The following UMAD1 variants were observed in gnomAD, a reference collection of about 807,000 sequenced individuals.
The protein encoded by UMAD1 is UBAP1-MVB12-associated (UMA)-domain containing protein 1.
A neutral mutation model predicts 6.1 loss-of-function variants in UMAD1; 8 were observed. The observed-to-expected ratio is 1.30, with a 90% confidence interval of 0.76 to 2.35. The LOEUF (loss-of-function observed/expected upper bound fraction) is 2.35. UMAD1 is among the 30% of genes most tolerant of loss of function. The pLI, the probability that UMAD1 is intolerant of heterozygous loss-of-function variation, is 0.00. For missense variants in UMAD1, 130 were observed against 78.4 expected, an observed-to-expected ratio of 1.66 and a Z score of -2.49; for synonymous variants, 56 against 31.4, an observed-to-expected ratio of 1.78 and a Z score of -2.61.
chr7:7,770,818 GAGGTGAAC>G (rs1353970238), intron 2 of UMAD1, among the ~76,000 whole-genome samples: 1 of 152,160 alleles, frequency 6.6e-6, no homozygotes, highest in Admixed American at 6.5e-5. Context: ...TGGAAGTGTT[GAGGTGAAC>G]TGCTCTTGGA....
Position 7,801,686 on chromosome 7 carries a change from G to A in UMAD1, c.99G>A (p.Glu33=). Residue 33 remains glutamate, a synonymous_variant, in exon 3 of 4, where the codon GAG becomes GAA. Transcript: ENST00000682710. Reference sequence around the variant, plus strand: ...ACTTCATAGGAGATACAACAGATGAGCAAAGAATGACAGCAAGAGGCAAAA... The same window carrying A: ...ACTTCATAGGAGATACAACAGATGAACAAAGAATGACAGCAAGAGGCAAAA... ...GFVLLGDTTD[E]QRMTARGKTS... is the part of the protein sequence containing the mutation. The A allele has an allele frequency of 1.4e-6, 1 of 718,046 alleles. No homozygotes were observed. Among genetic ancestry groups the A allele is most frequent in the Non-Finnish European group, 2.6e-6 (1 of 385,200 alleles). 44.5% of individuals were successfully genotyped at this position (718,046 alleles called of 1,614,324 possible). A position where few individuals can be genotyped will look rare whatever the true frequency, so the allele number is the denominator to read the frequency against.
intron 2 of UMAD1, among the ~76,000 whole-genome samples, chr7:7,684,023 C>T (rs1427023377): frequency 6.6e-6 from 1 of 152,196 alleles, no homozygotes; most frequent in East Asian, 1.9e-4. Context: ...ACGCTCAACG[C>T]TCTGATATAA....
At chr7:7,866,596 A>G (rs772720896) in intron 3 of UMAD1, among the ~76,000 whole-genome samples, 1 of 152,232 alleles carries the variant, frequency 6.6e-6, no homozygotes. Flanking sequence ...ACATGCATGA[A>G]TCTACATACA....
At position 7,878,424 on chromosome 7, in the gene UMAD1, T is replaced by C. The variant is rs1258691729; in HGVS notation, c.*886T>C. ...AGAAATTTGTTGGCCACAATAGAGA[T>C]GGAAATGTTTTACTGCTGGAAAAAC... On this transcript the variant is annotated 3_prime_UTR_variant, in exon 4 of 4. Coordinates refer to ENST00000682710, the MANE Select transcript of UMAD1 (RefSeq NM_001302348.2). 1.3e-5 allele frequency: 2 copies of C among 152,212 alleles called. No individual in the cohort carries two copies. Among genetic ancestry groups the C allele is most frequent in the Non-Finnish European group, 2.9e-5 (2 of 68,048 alleles). The allele number at this position is 152,212 out of a possible 1,614,324, so 9.4% of individuals were successfully genotyped here. A position where few individuals can be genotyped will look rare whatever the true frequency, so the allele number is the denominator to read the frequency against.
At chr7:7,716,802 C>T (rs1043052633) in intron 2 of UMAD1, among the ~76,000 whole-genome samples, 1 of 152,090 alleles carries the variant, frequency 6.6e-6, no homozygotes, top group African/African-American at 2.4e-5. Flanking sequence ...AAAAATTAGG[C>T]GGGCATGGTG....
At chr7:7,761,281 C>G in intron 2 of UMAD1, among the ~76,000 whole-genome samples, 1 of 148,272 alleles carries the variant, frequency 6.7e-6, no homozygotes, top group South Asian at 2.1e-4. Context: ...AGGAGACTCA[C>G]CAGAGTCCAG....
At chr7:7,663,075 C>A (rs1785514410) in intron 1 of UMAD1, among the ~76,000 whole-genome samples, 1 of 151,910 alleles carries the variant, frequency 6.6e-6, no homozygotes, top group African/African-American at 2.4e-5. Flanking sequence ...GCACAGGCAC[C>A]CAAATGCGAA....
At chr7:7,770,097 T>A (rs1315317748) in intron 2 of UMAD1, among the ~76,000 whole-genome samples, 1 of 152,200 alleles carries the variant, frequency 6.6e-6, no homozygotes, top group Non-Finnish European at 1.5e-5. Flanking sequence ...ACCGCTGTTC[T>A]CAGGCAGTCA....
intron 3 of UMAD1, among the ~76,000 whole-genome samples, chr7:7,863,121 C>T (rs944458361): frequency 6.6e-6 from 1 of 152,110 alleles, no homozygotes; most frequent in African/African-American, 2.4e-5. Flanking sequence ...GGGATACATA[C>T]TTGTTTTATA....
rs148370395 is a variant in UMAD1 at position 7,668,008 on chromosome 7, C to G, written c.-63-5301C>G. 7.2e-4 allele frequency among the ~76,000 whole-genome samples: 109 copies of G among 152,220 alleles called. 1 individual carries two copies. The highest frequency in any genetic ancestry group is 2.5e-3 in the African/African-American group (104 of 41,542). The stretch of plus-strand genomic sequence containing the variant: ...AGTGGCTCACTTTCACCCCCGCCTT[C>G]TGGGCTCAAGCAGTCCTCCAACCTC... On this transcript the variant is annotated intron_variant, in intron 1 of 3. Coordinates refer to ENST00000682710, the MANE Select transcript of UMAD1 (RefSeq NM_001302348.2).
chr7:7,680,873 A>G (rs191833936), intron 2 of UMAD1, among the ~76,000 whole-genome samples: 3 of 151,180 alleles, frequency 2.0e-5, no homozygotes, highest in Admixed American at 2.0e-4. Flanking sequence ...AATGCTATTG[A>G]TTTTTGTATG....
At chr7:7,665,108 A>G (rs1030944049) in intron 1 of UMAD1, among the ~76,000 whole-genome samples, 2 of 152,232 alleles carry the variant, frequency 1.3e-5, no homozygotes, top group Non-Finnish European at 1.5e-5. Context: ...TCTATTTGAT[A>G]TATTTACATT....
At chr7:7,833,275 G>A (rs6976170) in intron 3 of UMAD1, among the ~76,000 whole-genome samples, 45,191 of 151,992 alleles carry the variant, frequency 0.3, 7,258 homozygotes, top group Admixed American at 0.38. Flanking sequence ...ACTCAGCAAC[G>A]TTGTGGAAAT....
chr7:7,760,958 C>T (rs1268031988), intron 2 of UMAD1, among the ~76,000 whole-genome samples: 2 of 152,120 alleles, frequency 1.3e-5, no homozygotes, highest in Non-Finnish European at 2.9e-5. Context: ...TTGCAAGATA[C>T]TATGTGAATC....
At chr7:7,700,053 G>C (rs912925537) in intron 2 of UMAD1, among the ~76,000 whole-genome samples, 1 of 152,188 alleles carries the variant, frequency 6.6e-6, no homozygotes, top group Non-Finnish European at 1.5e-5. Flanking sequence ...CTACTTCTGT[G>C]GAGGGTGTCT....
At chr7:7,861,566 C>T (rs1002157726) in intron 3 of UMAD1, among the ~76,000 whole-genome samples, 4 of 152,278 alleles carry the variant, frequency 2.6e-5, no homozygotes, top group Non-Finnish European at 4.4e-5. Context: ...ATCACTCATA[C>T]GCCCATTGGA....
intron 1 of UMAD1, chr7:7,641,188 AGATTGATCC>A (rs917406895): frequency 4.6e-5 from 7 of 152,038 alleles, no homozygotes; most frequent in African/African-American, 1.7e-4. Context: ...GTAAGAAGAG[AGATTGATCC>A]GATTACTTCT....
chr7:7,756,771 G>A (rs759575234), intron 2 of UMAD1, among the ~76,000 whole-genome samples: 5 of 152,146 alleles, frequency 3.3e-5, no homozygotes, highest in Non-Finnish European at 7.3e-5. Context: ...ATTCCCTTAC[G>A]TAATCTGCTA....
chr7:7,766,894 T>A (rs1403275948), intron 2 of UMAD1, among the ~76,000 whole-genome samples: 2 of 152,132 alleles, frequency 1.3e-5, no homozygotes, highest in Non-Finnish European at 2.9e-5. Flanking sequence ...TCAGCAAAAA[T>A]CCTTGCCTTT....
Sources: gnomAD v4.1 joint callset for allele counts (sites outside exome capture counted in the v4.1 genomes callset) on GRCh38, gnomAD v4.1.1 for gene constraint, MANE v1.5 for transcripts, NCBI Gene and HGNC (gene_info 2026-07-23, HGNC 2026-07-21) for gene names.